STXBP5L: variants seen among roughly 807,000 people sequenced by gnomAD.
The protein encoded by STXBP5L is syntaxin-binding protein 5-like.
Under a neutral mutation model 144.5 loss-of-function variants are expected in STXBP5L, and 65 were observed. The ratio of observed to expected loss-of-function variants is 0.45; its 90% confidence interval spans 0.37 to 0.55. STXBP5L has a LOEUF of 0.55. Ranked by LOEUF, STXBP5L falls within the 20% of genes least tolerant of loss-of-function variation. STXBP5L has a pLI of 0.00. For synonymous variants in STXBP5L, 505 were observed against 469.6 expected, an observed-to-expected ratio of 1.08 and a Z score of -0.97; for missense variants, 1,298 against 1,405.5, an observed-to-expected ratio of 0.92 and a Z score of 1.22.
At chr3:121,380,419 C>G (rs777877183) in intron 21 of STXBP5L, among the ~76,000 whole-genome samples, 10 of 152,076 alleles carry the variant, frequency 6.6e-5, no homozygotes, top group Non-Finnish European at 1.0e-4. Flanking sequence ...GTGTACCTAT[C>G]AAGAGGGAAA....
intron 22 of STXBP5L, among the ~76,000 whole-genome samples, chr3:121,392,273 G>T (rs901100815): frequency 6.6e-6 from 1 of 152,186 alleles, no homozygotes; most frequent in Admixed American, 6.5e-5. Flanking sequence ...CAGTATTTGG[G>T]CAGGAGTGCC....
intron 5 of STXBP5L, among the ~76,000 whole-genome samples, chr3:121,082,268 T>C (rs2042280724): frequency 6.6e-6 from 1 of 152,106 alleles, no homozygotes; most frequent in Non-Finnish European, 1.5e-5. Flanking sequence ...TCTCTACATT[T>C]ACTTAGATCT....
chr3:120,948,338 A>G (rs1185331891), intron 2 of STXBP5L, among the ~76,000 whole-genome samples: 1 of 151,592 alleles, frequency 6.6e-6, no homozygotes, highest in East Asian at 1.9e-4. Flanking sequence ...GGTTCTTTAT[A>G]TATTCTGGAT....
intron 19 of STXBP5L, among the ~76,000 whole-genome samples, chr3:121,315,617 AAAACTT>A (rs1407773174): frequency 2.0e-5 from 3 of 152,106 alleles, no homozygotes; most frequent in African/African-American, 7.2e-5. Context: ...CATGTACCCT[AAAACTT>A]AAAGTATAAT....
chr3:121,318,900 A>C (rs984699009), intron 20 of STXBP5L, among the ~76,000 whole-genome samples: 2 of 152,212 alleles, frequency 1.3e-5, no homozygotes, highest in Admixed American at 1.3e-4. Context: ...GGAAATATAC[A>C]GTATATATGC....
At chr3:121,049,277 C>T (rs1317572962) in intron 5 of STXBP5L, among the ~76,000 whole-genome samples, 3 of 151,738 alleles carry the variant, frequency 2.0e-5, no homozygotes, top group Admixed American at 6.6e-5. Flanking sequence ...GGGCAACAAA[C>T]ATGGTGGCCT....
At chr3:121,128,875 A>G (rs575574839) in intron 7 of STXBP5L, among the ~76,000 whole-genome samples, 1 of 152,250 alleles carries the variant, frequency 6.6e-6, no homozygotes, top group Non-Finnish European at 1.5e-5. Context: ...GAATCTATTG[A>G]TTAAAAAAGG....
chr3:121,183,396 A>G (rs1157500782), intron 9 of STXBP5L, among the ~76,000 whole-genome samples: 10 of 152,194 alleles, frequency 6.6e-5, no homozygotes, highest in African/African-American at 2.4e-4. Context: ...AGAAAACCGT[A>G]AAGACTAATC....
intron 3 of STXBP5L, among the ~76,000 whole-genome samples, chr3:120,979,267 C>T (rs1429617409): frequency 6.6e-6 from 1 of 152,224 alleles, no homozygotes; most frequent in Non-Finnish European, 1.5e-5. Context: ...GCCCCTCCCC[C>T]AGCCTCACTG....
intron 6 of STXBP5L, 54 bp from the exon 7 acceptor site, chr3:121,121,587 G>C: frequency 7.9e-7 from 1 of 1,272,888 alleles, no homozygotes; most frequent in Middle Eastern, 1.9e-4. Flanking sequence ...AGTCTCTAGT[G>C]GTAAGGTATT....
chr3:121,039,104 G>T (rs189988682), intron 3 of STXBP5L, among the ~76,000 whole-genome samples: 166 of 151,938 alleles, frequency 1.1e-3, no homozygotes, highest in African/African-American at 3.9e-3. Flanking sequence ...ATTTAGTGTG[G>T]TATTGGTATA....
chr3:121,106,333 G>T (rs1054439365), intron 5 of STXBP5L, among the ~76,000 whole-genome samples: 15 of 152,072 alleles, frequency 9.9e-5, no homozygotes, highest in Admixed American at 2.6e-4. Flanking sequence ...GTGGTTTGCT[G>T]CACCTAACAA....
chr3:121,019,915 C>T (rs764754035), intron 3 of STXBP5L, among the ~76,000 whole-genome samples: 1 of 152,082 alleles, frequency 6.6e-6, no homozygotes, highest in African/African-American at 2.4e-5. Context: ...TGGATCCAAA[C>T]CAAAACAAAA....
chr3:121,246,872 A>G lies in STXBP5L; in HGVS notation c.1401-3851A>G, dbSNP rs555418492. On this transcript the variant is annotated intron_variant, in intron 14 of 26. Transcript: ENST00000471454. ...TGGGTTCCACTTATATAAAAATTCT[A>G]AGAAAAAAAGAATCTATATAAGCAG... 2.0e-5 allele frequency among the ~76,000 whole-genome samples: 3 copies of G among 152,340 alleles called. No homozygotes were observed. In the East Asian group the frequency reaches 5.8e-4, roughly 29 times the overall value.
chr3:121,037,551 A>C (rs1946849026), intron 3 of STXBP5L, among the ~76,000 whole-genome samples: 1 of 152,000 alleles, frequency 6.6e-6, no homozygotes. Context: ...TGTTGTATTA[A>C]ATTTGCCAAC....
intron 3 of STXBP5L, among the ~76,000 whole-genome samples, chr3:120,995,821 T>G (rs1943303721): frequency 6.6e-6 from 1 of 152,174 alleles, no homozygotes; most frequent in African/African-American, 2.4e-5. Flanking sequence ...GTTTATTATA[T>G]TGAACCACAT....
intron 3 of STXBP5L, among the ~76,000 whole-genome samples, chr3:121,002,948 T>G (rs1240120306): frequency 1.3e-5 from 2 of 152,292 alleles, no homozygotes; most frequent in Middle Eastern, 3.4e-3. Context: ...CTTGATCCAG[T>G]CTATTATTGT....
intron 3 of STXBP5L, among the ~76,000 whole-genome samples, chr3:121,011,345 G>A (rs1464812469): frequency 6.0e-5 from 9 of 151,216 alleles, no homozygotes; most frequent in Middle Eastern, 3.4e-3. Context: ...TGGTCTCCTG[G>A]TTGTTGCCAG....
At chr3:121,368,715 G>T (rs975194919) in intron 20 of STXBP5L, among the ~76,000 whole-genome samples, 8 of 152,096 alleles carry the variant, frequency 5.3e-5, no homozygotes, top group South Asian at 2.1e-4. Context: ...CTGGTCTGGG[G>T]TGTAATCTTA....
Sources: gnomAD v4.1 joint callset for allele counts (sites outside exome capture counted in the v4.1 genomes callset) on GRCh38, gnomAD v4.1.1 for gene constraint, MANE v1.5 for transcripts, NCBI Gene and HGNC (gene_info 2026-07-23, HGNC 2026-07-21) for gene names.